The following SMYD3 variants were observed in gnomAD, a reference collection of about 807,000 sequenced individuals.
SMYD3 encodes SET and MYND domain containing 3.
In SMYD3, 36 loss-of-function variants were observed where a neutral mutation model predicts 57.7. The ratio of observed to expected loss-of-function variants is 0.62; its 90% CI spans 0.48 to 0.82. SMYD3 has a LOEUF of 0.82. Among genes scored for constraint, SMYD3 ranks in the 40% least tolerant of loss-of-function variants. SMYD3 has a pLI of 0.00. For synonymous variants in SMYD3, 211 were observed against 195.0 expected, an observed-to-expected ratio of 1.08 and a Z score of -0.68; for missense variants, 515 against 538.8, an observed-to-expected ratio of 0.96 and a Z score of 0.44.
chr1:245,949,627 G>A (rs2057549042), intron 5 of SMYD3, among the ~76,000 whole-genome samples: 1 of 152,110 alleles, frequency 6.6e-6, no homozygotes, highest in Admixed American at 6.5e-5. Flanking sequence ...TGGCCAACAT[G>A]GTGAAACCCT....
At chr1:246,469,774 AG>A (rs1380682805) in intron 1 of SMYD3, among the ~76,000 whole-genome samples, 1 of 152,188 alleles carries the variant, frequency 6.6e-6, no homozygotes, top group African/African-American at 2.4e-5. Flanking sequence ...AACTCTATGG[AG>A]GAAAAAAAAC....
intron 5 of SMYD3, among the ~76,000 whole-genome samples, chr1:246,050,098 T>C (rs1012398207): frequency 2.6e-5 from 4 of 152,200 alleles, no homozygotes. Flanking sequence ...GGCCATAAAC[T>C]ACAAGCTAGT....
At chr1:245,880,151 G>T (rs1336944076) in intron 8 of SMYD3, among the ~76,000 whole-genome samples, 1 of 152,226 alleles carries the variant, frequency 6.6e-6, no homozygotes, top group Non-Finnish European at 1.5e-5. Context: ...GCACACCGCT[G>T]CTGTCTCTAG....
At chr1:245,813,531 G>C (rs1277391675) in intron 10 of SMYD3, among the ~76,000 whole-genome samples, 1 of 152,110 alleles carries the variant, frequency 6.6e-6, no homozygotes, top group Non-Finnish European at 1.5e-5. Flanking sequence ...CATTGAGAAA[G>C]GTACATGAAT....
intron 1 of SMYD3, among the ~76,000 whole-genome samples, chr1:246,418,012 T>A (rs2067088507): frequency 6.6e-6 from 1 of 152,210 alleles, no homozygotes; most frequent in Non-Finnish European, 1.5e-5. Context: ...CTAACCATCA[T>A]AACCTTAGCA....
At chr1:246,074,693 A>T (rs1263948267) in intron 5 of SMYD3, among the ~76,000 whole-genome samples, 1 of 152,188 alleles carries the variant, frequency 6.6e-6, no homozygotes, top group African/African-American at 2.4e-5. Context: ...TCTTAAAGAA[A>T]CAAAAGGAAA....
At chr1:246,134,807 T>A (rs374155218) in intron 5 of SMYD3, among the ~76,000 whole-genome samples, 1 of 47,154 alleles carries the variant, frequency 2.1e-5, no homozygotes, top group Non-Finnish European at 1.2e-4. Context: ...TTCCCCCCCC[T>A]GCCGCTTTTA....
intron 8 of SMYD3, among the ~76,000 whole-genome samples, chr1:245,883,963 C>T (rs988330771): frequency 2.6e-5 from 4 of 151,852 alleles, no homozygotes; most frequent in East Asian, 1.9e-4. Flanking sequence ...TTTCCTTTAG[C>T]GGTAGGATGT....
intron 5 of SMYD3, among the ~76,000 whole-genome samples, chr1:246,186,271 A>T (rs1303508004): frequency 1.3e-5 from 2 of 152,338 alleles, no homozygotes; most frequent in Non-Finnish European, 2.9e-5. Context: ...AAGCATCAGA[A>T]ATGCCAGCAA....
At chr1:246,350,360 C>T (rs949805593) in intron 2 of SMYD3, among the ~76,000 whole-genome samples, 2 of 152,138 alleles carry the variant, frequency 1.3e-5, no homozygotes, top group Non-Finnish European at 2.9e-5. Context: ...CACTCTAACT[C>T]CTGTGTAGAA....
intron 2 of SMYD3, among the ~76,000 whole-genome samples, chr1:246,337,429 G>T (rs2065561272): frequency 6.6e-6 from 1 of 151,952 alleles, no homozygotes; most frequent in Non-Finnish European, 1.5e-5. Context: ...TATGTGAGTG[G>T]GTTAAGCTAA....
chr1:246,049,457 T>C (rs1345801526), intron 5 of SMYD3, among the ~76,000 whole-genome samples: 14 of 134,464 alleles, frequency 1.0e-4, no homozygotes, highest in African/African-American at 3.2e-4. Context: ...CCACCACGCC[T>C]GGCTAATTTT....
At chr1:245,848,494 G>A (rs1458985716) in intron 10 of SMYD3, among the ~76,000 whole-genome samples, 5 of 151,988 alleles carry the variant, frequency 3.3e-5, no homozygotes, top group African/African-American at 1.2e-4. Flanking sequence ...CTGCAGCCTC[G>A]AACTCCTGGG....
intron 2 of SMYD3, among the ~76,000 whole-genome samples, chr1:246,347,150 T>TAA (rs954310053): frequency 6.9e-6 from 1 of 144,086 alleles, no homozygotes; most frequent in African/African-American, 2.6e-5. Context: ...AAAGACTTTA[T>TAA]AAAAAAAAAA....
intron 5 of SMYD3, chr1:246,325,773 C>G (rs150631722): frequency 6.6e-6 from 1 of 152,098 alleles, no homozygotes; most frequent in Non-Finnish European, 1.5e-5. Context: ...GAAATAATTA[C>G]CACAGAATAG....
At chr1:246,436,691 G>A (rs1353887926) in intron 1 of SMYD3, among the ~76,000 whole-genome samples, 1 of 152,084 alleles carries the variant, frequency 6.6e-6, no homozygotes. Flanking sequence ...GTATTTAGAT[G>A]TCCTGCTTCG....
At chr1:245,883,730 A>G (rs1037404974) in intron 8 of SMYD3, among the ~76,000 whole-genome samples, 2 of 152,212 alleles carry the variant, frequency 1.3e-5, no homozygotes, top group African/African-American at 4.8e-5. Context: ...GAATTTAGGT[A>G]CAAATCTAGC....
chr1:246,427,418 G>C (rs1445814443), intron 1 of SMYD3, among the ~76,000 whole-genome samples: 2 of 150,926 alleles, frequency 1.3e-5, no homozygotes, highest in Non-Finnish European at 1.5e-5. Flanking sequence ...TACTCGGGAG[G>C]CTGAGGCAGG....
chr1:245,993,578 AAAGATAGATAGATAGATAGATAGATAGAT>A (rs1163429730), intron 5 of SMYD3, among the ~76,000 whole-genome samples: 5 of 24,128 alleles, frequency 2.1e-4, no homozygotes, highest in Non-Finnish European at 9.5e-4. Flanking sequence ...CAAAAAAAAA[AAAGATAGATAGATAGATAGATAGATAGAT>A]AGATAGATAG....
Sources: gnomAD v4.1 joint callset for allele counts (sites outside exome capture counted in the v4.1 genomes callset) on GRCh38, gnomAD v4.1.1 for gene constraint, MANE v1.5 for transcripts, NCBI Gene and HGNC (gene_info 2026-07-23, HGNC 2026-07-21) for gene names.